The following CD59 variants were observed in gnomAD, a reference collection of about 807,000 sequenced individuals.
CD59 encodes CD59 molecule (CD59 blood group).
CD59 carries 3 observed loss-of-function variants against 7.0 expected under a neutral mutation model. The ratio of observed to expected loss-of-function variants is 0.43; its 90% CI spans 0.19 to 1.10. The LOEUF (loss-of-function observed/expected upper bound fraction) is 1.10, where lower values mean the gene tolerates loss of function less well. Ranked by LOEUF, CD59 falls within the 50% of genes least tolerant of loss-of-function variation. The pLI, the probability that CD59 is intolerant of heterozygous loss-of-function variation, is 0.29. For missense variants in CD59, 143 were observed against 151.0 expected, an observed-to-expected ratio of 0.95 and a Z score of 0.28; for synonymous variants, 60 against 62.0, an observed-to-expected ratio of 0.97 and a Z score of 0.15.
chr11:33,713,705 A>G (rs1336689741), intron 3 of CD59, among the ~76,000 whole-genome samples: 1 of 152,256 alleles, frequency 6.6e-6, no homozygotes, highest in Non-Finnish European at 1.5e-5. Context: ...TGGGGAGAAC[A>G]GACAGTAATT....
rs1853434674 is a variant in CD59 at position 33,709,135 on chromosome 11, T to A, written c.*991A>T. 1 of 152,232 alleles carries A rather than the reference T, an allele frequency of 6.6e-6. No individual in the cohort carries two copies. Among genetic ancestry groups the A allele is most frequent in the African/African-American group, 2.4e-5 (1 of 41,462 alleles). 9.4% of individuals were successfully genotyped at this position (152,232 alleles called of 1,614,324 possible). A position where few individuals can be genotyped will look rare whatever the true frequency, so the allele number is the denominator to read the frequency against. On this transcript the variant is annotated 3_prime_UTR_variant, in exon 4 of 4. Transcript: ENST00000642928. ...GCTAAGAGCCGTTACAAAGGTATTTTATACAATCTATGCTGAGTCAGCTAG... is the reference window on the plus strand; with the variant it reads ...GCTAAGAGCCGTTACAAAGGTATTTAATACAATCTATGCTGAGTCAGCTAG...
At position 33,709,724 on chromosome 11, in the gene CD59, G is replaced by T. The variant is rs911761540; in HGVS notation, c.*402C>A. 1.7e-5 allele frequency: 5 copies of T among 297,716 alleles called. No individual in the cohort carries two copies. The highest frequency in any genetic ancestry group is 3.2e-5 in the Non-Finnish European group (5 of 154,780). The allele number at this position is 297,716 out of a possible 1,614,324, so 18.4% of individuals were successfully genotyped here. On this transcript the variant is annotated 3_prime_UTR_variant, in exon 4 of 4. Transcript: ENST00000642928. ...TATGAAAGCGTTCCATGTGAGAGAGGATGCTCATATACTCCTGCCCCACCC... is the reference window on the plus strand; with the variant it reads ...TATGAAAGCGTTCCATGTGAGAGAGTATGCTCATATACTCCTGCCCCACCC...
intron 3 of CD59, among the ~76,000 whole-genome samples, chr11:33,713,201 T>C (rs1564970740): frequency 6.6e-6 from 1 of 152,174 alleles, no homozygotes; most frequent in African/African-American, 2.4e-5. Flanking sequence ...ATGTATTAGT[T>C]GAGAGAGTGG....
chr11:33,715,776 T>C (rs750276285), intron 3 of CD59, among the ~76,000 whole-genome samples: 1 of 152,232 alleles, frequency 6.6e-6, no homozygotes, highest in Non-Finnish European at 1.5e-5. Context: ...ATCTTGGCTT[T>C]GACCTCCTTT....
chr11:33,712,240 G>T (rs1853590690), intron 3 of CD59, among the ~76,000 whole-genome samples: 1 of 152,116 alleles, frequency 6.6e-6, no homozygotes, highest in Non-Finnish European at 1.5e-5. Flanking sequence ...ATAGCCTTGG[G>T]CACACAGGAA....
chr11:33,723,584 C>A (rs975897423), intron 1 of CD59, among the ~76,000 whole-genome samples: 1 of 152,194 alleles, frequency 6.6e-6, no homozygotes, highest in African/African-American at 2.4e-5. Context: ...GGAAGAAAGA[C>A]AATTGTCATC....
intron 1 of CD59, among the ~76,000 whole-genome samples, chr11:33,732,496 G>A (rs2133575618): frequency 6.6e-6 from 1 of 152,268 alleles, no homozygotes; most frequent in Non-Finnish European, 1.5e-5. Flanking sequence ...ACAGCCCAAA[G>A]AACTGCGAGC....
intron 1 of CD59, among the ~76,000 whole-genome samples, chr11:33,729,715 A>C (rs1284074024): frequency 6.6e-6 from 1 of 152,032 alleles, no homozygotes; most frequent in Non-Finnish European, 1.5e-5. Flanking sequence ...AAAAAAATAC[A>C]GGCACTTCTT....
At chr11:33,727,148 G>C (rs1460105237) in intron 1 of CD59, among the ~76,000 whole-genome samples, 1 of 152,184 alleles carries the variant, frequency 6.6e-6, no homozygotes, top group Non-Finnish European at 1.5e-5. Flanking sequence ...AATAGAAAAA[G>C]AGGGAATCCT....
chr11:33,723,561 A>T (rs964476129), intron 1 of CD59, among the ~76,000 whole-genome samples: 4 of 152,208 alleles, frequency 2.6e-5, no homozygotes, highest in Non-Finnish European at 5.9e-5. Context: ...GTTTTATGAT[A>T]TGTGAGGAAC....
At chr11:33,716,253 G>T (rs1466404897) in intron 3 of CD59, among the ~76,000 whole-genome samples, 2 of 152,106 alleles carry the variant, frequency 1.3e-5, no homozygotes, top group Non-Finnish European at 2.9e-5. Context: ...TTTAGACAGG[G>T]TAACTATAAT....
chr11:33,713,058 A>G (rs1224561501), intron 3 of CD59, among the ~76,000 whole-genome samples: 1 of 152,234 alleles, frequency 6.6e-6, no homozygotes, highest in Non-Finnish European at 1.5e-5. Context: ...AGTTTCTACA[A>G]AAAACACGCC....
In CD59 at chr11:33,710,185, T is replaced by G; in HGVS notation, c.328A>C (p.Lys110Gln). 1 of 1,614,126 alleles carries G rather than the reference T, an allele frequency of 6.2e-7. No individual in the cohort carries two copies. The highest frequency in any genetic ancestry group is 8.5e-7 in the Non-Finnish European group (1 of 1,180,006). ...LENGGTSLSE[K>Q]TVLLLVTPFL... is the part of the protein sequence containing the mutation. Reference sequence around the variant, plus strand: ...GGAGTCACCAGCAGAAGAACTGTTTTCTCTGATAAGGATGTCCCACCATTT... The same window carrying G: ...GGAGTCACCAGCAGAAGAACTGTTTGCTCTGATAAGGATGTCCCACCATTT... The change falls in exon 4 of 4, where the codon AAA (lysine) becomes CAA (glutamine). Residue 110 changes from lysine to glutamine, a missense_variant. Physicochemically the swap from Lys to Gln is moderately conservative, Grantham distance 53 (BLOSUM62 1). Transcript: ENST00000642928.
chr11:33,725,483 A>G (rs80232718), intron 1 of CD59, among the ~76,000 whole-genome samples: 2,289 of 152,246 alleles, frequency 0.015, 66 homozygotes, highest in African/African-American at 0.047. Flanking sequence ...TGTTCTAATA[A>G]TACTGCTATT....
chr11:33,710,722 TC>T (rs1305020039), intron 3 of CD59, among the ~76,000 whole-genome samples: 26 of 150,488 alleles, frequency 1.7e-4, no homozygotes, highest in African/African-American at 4.4e-4. Flanking sequence ...CCTTTTCTTT[TC>T]TTTTTTTTTT....
In CD59 at chr11:33,708,988, G is replaced by T. The variant is rs970081245; in HGVS notation, c.*1138C>A. ...GATCATAAAATACAAATGTCATTAGGTCTACTGAATCTTGAGATTCATTCA... is the reference window on the plus strand; with the variant it reads ...GATCATAAAATACAAATGTCATTAGTTCTACTGAATCTTGAGATTCATTCA... On this transcript the variant is annotated 3_prime_UTR_variant, in exon 4 of 4. Coordinates refer to ENST00000642928, the MANE Select transcript of CD59 (RefSeq NM_000611.6). 2.0e-5 allele frequency: 3 copies of T among 152,098 alleles called. No individual in the cohort carries two copies. The East Asian group carries it at 5.8e-4, about 29-fold the overall frequency. 9.4% of individuals were successfully genotyped at this position (152,098 alleles called of 1,614,324 possible). A position where few individuals can be genotyped will look rare whatever the true frequency, so the allele number is the denominator to read the frequency against.
intron 2 of CD59, 100 bp from the exon 3 acceptor site, chr11:33,717,571 T>A (rs181779558): frequency 2.7e-6 from 2 of 743,040 alleles, no homozygotes; most frequent in East Asian, 5.3e-5. Context: ...CAGCAACTTG[T>A]GGTATACTTC....
intron 3 of CD59, among the ~76,000 whole-genome samples, chr11:33,711,958 A>G (rs966231795): frequency 6.6e-6 from 1 of 152,208 alleles, no homozygotes; most frequent in African/African-American, 2.4e-5. Flanking sequence ...CATTTCTGCA[A>G]AAAGTTAAAG....
rs1248059881 is a variant in CD59, at chr11:33,708,011, C to T, written c.*2115G>A. ...TGGAGGTTCCTGTCCAGCACTCTTACACTCTCTATTTAACCTAGGCTGACT... is the reference window on the plus strand; with the variant it reads ...TGGAGGTTCCTGTCCAGCACTCTTATACTCTCTATTTAACCTAGGCTGACT... On this transcript the variant is annotated 3_prime_UTR_variant, in exon 4 of 4. Coordinates refer to ENST00000642928, the MANE Select transcript of CD59 (RefSeq NM_000611.6). The T allele has an allele frequency of 1.3e-5, 2 of 152,192 alleles. No individual in the cohort carries two copies. Among genetic ancestry groups the T allele is most frequent in the African/African-American group, 2.4e-5 (1 of 41,444 alleles). The allele number at this position is 152,192 out of a possible 1,614,324, so 9.4% of individuals were successfully genotyped here. A position where few individuals can be genotyped will look rare whatever the true frequency, so the allele number is the denominator to read the frequency against.
Sources: allele counts gnomAD v4.1 joint callset (sites outside exome capture counted in the v4.1 genomes callset), GRCh38; gene constraint gnomAD v4.1.1; transcripts MANE v1.5; gene names NCBI Gene and HGNC (gene_info 2026-07-23, HGNC 2026-07-21).